FRMD3: variants seen among roughly 807,000 people sequenced by gnomAD.
The protein encoded by FRMD3 is FERM domain-containing protein 3.
Under a neutral mutation model 70.2 loss-of-function variants are expected in FRMD3, and 33 were observed. The ratio of observed to expected loss-of-function variants is 0.47; its 90% CI spans 0.36 to 0.63. The LOEUF is 0.63. FRMD3 is among the 20% of genes least tolerant of loss of function. FRMD3 has a pLI of 0.00. For missense variants in FRMD3, 632 were observed against 711.4 expected (o/e 0.89, Z 1.27); for synonymous variants, 279 against 255.9 (o/e 1.09, Z -0.86).
At chr9:83,443,096 T>A (rs1827351496) in intron 1 of FRMD3, among the ~76,000 whole-genome samples, 1 of 152,174 alleles carries the variant, frequency 6.6e-6, no homozygotes, top group Non-Finnish European at 1.5e-5. Flanking sequence ...GAATCATAAA[T>A]GATTCTTATT....
chr9:83,368,536 C>T (rs984691944), intron 3 of FRMD3, among the ~76,000 whole-genome samples: 3 of 152,008 alleles, frequency 2.0e-5, no homozygotes, highest in Non-Finnish European at 4.4e-5. Context: ...AGAAATAAGA[C>T]TTTGATTTAA....
intron 13 of FRMD3, among the ~76,000 whole-genome samples, chr9:83,275,413 A>G (rs1332619514): frequency 6.6e-6 from 1 of 152,154 alleles, no homozygotes; most frequent in Non-Finnish European, 1.5e-5. Flanking sequence ...AGGCAGCAAA[A>G]CTAGCCCACC....
rs1164194491 is a variant in FRMD3 at position 83,357,291 on chromosome 9, ATATAT to A, written c.296-7539_296-7535del. Among the ~76,000 whole-genome samples, 35 of 84,962 alleles carry A rather than the reference ATATAT, an allele frequency of 4.1e-4. 1 individual carries two copies. The highest frequency in any genetic ancestry group is 1.4e-3 in the African/African-American group (32 of 22,980). 55.7% of individuals were successfully genotyped at this position (84,962 alleles called of 152,430 possible). A position where few individuals can be genotyped will look rare whatever the true frequency, so the allele number is the denominator to read the frequency against. On this transcript the variant is annotated intron_variant, in intron 3 of 13. Coordinates refer to ENST00000304195, the MANE Select transcript of FRMD3 (RefSeq NM_174938.6). ...TATATATATATATATATATATATAT[ATATAT>A]AAAACATTTTCTTTATCCACTCATT...
chr9:83,573,571 GAACACAA>G, the FRMD3 span, among the ~76,000 whole-genome samples: 1 of 152,236 alleles, frequency 6.6e-6, no homozygotes, highest in South Asian at 2.1e-4. Context: ...GCAGAGACCT[GAACACAA>G]CTAGTCTCTC....
intron 1 of FRMD3, among the ~76,000 whole-genome samples, chr9:83,456,696 C>T (rs1827826786): frequency 1.3e-5 from 2 of 152,056 alleles, no homozygotes; most frequent in South Asian, 4.2e-4. Context: ...TAAAACAATA[C>T]AGGCCGGGCA....
intron 1 of FRMD3, among the ~76,000 whole-genome samples, chr9:83,447,411 G>C (rs921038748): frequency 6.6e-6 from 1 of 152,208 alleles, no homozygotes. Flanking sequence ...CCCTGTTGGG[G>C]ACAGGGGCCC....
At chr9:83,573,416 AACAGACT>A in the FRMD3 span, among the ~76,000 whole-genome samples, 4 of 152,220 alleles carry the variant, frequency 2.6e-5, no homozygotes, top group African/African-American at 4.8e-5. Context: ...TAGTGTCTTT[AACAGACT>A]ACATTAGTTA....
intron 1 of FRMD3, among the ~76,000 whole-genome samples, chr9:83,431,568 G>A (rs1826976933): frequency 6.6e-6 from 1 of 151,818 alleles, no homozygotes; most frequent in South Asian, 2.1e-4. Flanking sequence ...TTGTGGTTAA[G>A]TTTAGCGTTT....
the FRMD3 span, among the ~76,000 whole-genome samples, chr9:83,568,365 C>A: frequency 3.3e-5 from 5 of 152,066 alleles, no homozygotes; most frequent in African/African-American, 1.2e-4. Context: ...AGAAATATGA[C>A]AAATTATGTA....
At chr9:83,541,838 A>T (rs182033288), upstream of FRMD3, among the ~76,000 whole-genome samples, 89 of 152,310 alleles carry the variant, frequency 5.8e-4, no homozygotes, top group African/African-American at 2.1e-3. Flanking sequence ...GACAAACAAG[A>T]TTTCTACACC....
At chr9:83,569,498 C>A in the FRMD3 span, among the ~76,000 whole-genome samples, 1 of 152,232 alleles carries the variant, frequency 6.6e-6, no homozygotes, top group Non-Finnish European at 1.5e-5. Context: ...CAGTGCTCAG[C>A]CTGTTCTCAG....
intron 1 of FRMD3, among the ~76,000 whole-genome samples, chr9:83,435,146 G>A (rs1434562680): frequency 1.3e-5 from 2 of 152,078 alleles, no homozygotes; most frequent in Non-Finnish European, 2.9e-5. Flanking sequence ...CTTATTTAGT[G>A]TTCCTTGCTC....
intron 3 of FRMD3, among the ~76,000 whole-genome samples, chr9:83,369,296 C>CCGGG (rs1824892441): frequency 6.6e-6 from 1 of 152,142 alleles, no homozygotes; most frequent in South Asian, 2.1e-4. Flanking sequence ...ACATTATAGG[C>CCGGG]CGGGCACAGT....
chr9:83,263,937 GA>G (rs1433824135), intron 13 of FRMD3, among the ~76,000 whole-genome samples: 1 of 152,080 alleles, frequency 6.6e-6, no homozygotes, highest in Non-Finnish European at 1.5e-5. Context: ...TCAATAAATA[GA>G]AAAACATAAT....
chr9:83,297,730 G>A (rs956536583), intron 12 of FRMD3: 1 of 471,694 alleles, frequency 2.1e-6, no homozygotes, highest in South Asian at 1.5e-5. Flanking sequence ...GCTTCTTACA[G>A]TGTGATAGCC....
upstream of FRMD3, among the ~76,000 whole-genome samples, chr9:83,541,397 G>A (rs1481690774): frequency 6.6e-6 from 1 of 152,214 alleles, no homozygotes; most frequent in Non-Finnish European, 1.5e-5. Context: ...TGAGAAAAAG[G>A]AAATTCCCTG....
At chr9:83,446,429 C>T (rs940351149) in intron 1 of FRMD3, among the ~76,000 whole-genome samples, 16 of 152,100 alleles carry the variant, frequency 1.1e-4, no homozygotes, top group Admixed American at 1.3e-4. Flanking sequence ...GGGCGGATCA[C>T]AAGGTCAGGA....
At chr9:83,410,023 T>C (rs1826235583) in intron 1 of FRMD3, among the ~76,000 whole-genome samples, 1 of 152,256 alleles carries the variant, frequency 6.6e-6, no homozygotes, top group South Asian at 2.1e-4. Context: ...AGACGACTCC[T>C]AATCTTGCTT....
At chr9:83,264,175 T>C (rs1768755641) in intron 13 of FRMD3, among the ~76,000 whole-genome samples, 1 of 152,194 alleles carries the variant, frequency 6.6e-6, no homozygotes, top group South Asian at 2.1e-4. Context: ...TAGAGGAAGC[T>C]TATATGCATA....
Sources: allele counts gnomAD v4.1 joint callset (sites outside exome capture counted in the v4.1 genomes callset), GRCh38; gene constraint gnomAD v4.1.1; transcripts MANE v1.5; gene names NCBI Gene and HGNC (gene_info 2026-07-23, HGNC 2026-07-21).